The following AMBRA1 variants were observed in gnomAD, a reference collection of about 807,000 sequenced individuals.
AMBRA1 encodes activating molecule in BECN1-regulated autophagy protein 1.
A neutral mutation model predicts 125.4 loss-of-function variants in AMBRA1; 47 were observed. The observed-to-expected ratio is 0.37, with a 90% CI of 0.30 to 0.48. The LOEUF is 0.48. AMBRA1 is among the 20% of genes least tolerant of loss of function. AMBRA1 has a pLI of 0.99. For missense variants in AMBRA1, 1,331 were observed against 1,693.4 expected (o/e 0.79, Z 3.76); for synonymous variants, 626 against 655.5 (o/e 0.95, Z 0.69).
chr11:46,533,281 T>C (rs760683763), intron 7 of AMBRA1, among the ~76,000 whole-genome samples: 1 of 152,256 alleles, frequency 6.6e-6, no homozygotes, highest in Non-Finnish European at 1.5e-5. Flanking sequence ...CTCTGAGCAG[T>C]GGCTTTAAGA....
At chr11:46,427,576 G>A (rs1947207838) in intron 14 of AMBRA1, among the ~76,000 whole-genome samples, 1 of 152,186 alleles carries the variant, frequency 6.6e-6, no homozygotes, top group South Asian at 2.1e-4. Context: ...CGCCCCCAGA[G>A]TTTCTGACTC....
In AMBRA1 at chr11:46,542,880, G is replaced by A. The variant is rs777781431; in HGVS notation, c.1137C>T (p.Ala379=). The change falls in exon 7 of 18, where the codon GCC becomes GCT. Residue 379 remains alanine (A), a synonymous_variant. Coordinates refer to ENST00000683756, the MANE Select transcript of AMBRA1 (RefSeq NM_001387011.1). The surrounding 1 kb of genome is among the most constrained non-coding windows in gnomAD (Gnocchi z 5.9). ...SAFSTVQSST[A]GNTLRNLSLG... ...GACTGAGGTTGCGGAGCGTGTTGCCGGCAGTGCTGCTCTGGACTGTACTGA... is the reference window on the plus strand; with the variant it reads ...GACTGAGGTTGCGGAGCGTGTTGCCAGCAGTGCTGCTCTGGACTGTACTGA... 31 of 1,613,056 alleles carry A rather than the reference G, an allele frequency of 1.9e-5. No individual in the cohort carries two copies. The East Asian group carries it at 2.2e-4, about 12-fold the overall frequency.
intron 11 of AMBRA1, among the ~76,000 whole-genome samples, chr11:46,465,623 G>A (rs1219808269): frequency 6.6e-6 from 1 of 152,162 alleles, no homozygotes; most frequent in Non-Finnish European, 1.5e-5. Flanking sequence ...TGGTTAGAGA[G>A]TGCAAAGAGA....
At position 46,430,434 on chromosome 11, in the gene AMBRA1, C is replaced by A. The variant is rs1214225639; in HGVS notation, c.2976+3040G>T. 1.3e-5 allele frequency among the ~76,000 whole-genome samples: 2 copies of A among 152,076 alleles called. 1 individual carries two copies. Among genetic ancestry groups the A allele is most frequent in the African/African-American group, 4.8e-5 (2 of 41,384 alleles). ...TACTAATCCTGGGTCCCTCTGACTC[C>A]CATTCTTATTCTGATTTTAGGTCTG... is the stretch of plus-strand genomic sequence containing the variant. On this transcript the variant is annotated intron_variant, in intron 14 of 17. Transcript: ENST00000683756.
intron 7 of AMBRA1, among the ~76,000 whole-genome samples, chr11:46,534,973 C>T (rs767462067): frequency 2.0e-4 from 30 of 152,192 alleles, no homozygotes; most frequent in Non-Finnish European, 3.7e-4. Flanking sequence ...CACACCCAGC[C>T]CTCAGTACCC....
At chr11:46,414,328 C>CT (rs892568903) in intron 15 of AMBRA1, among the ~76,000 whole-genome samples, 6 of 152,182 alleles carry the variant, frequency 3.9e-5, no homozygotes, top group African/African-American at 1.2e-4. Flanking sequence ...TTTTGGCTCC[C>CT]TTTTGATTCG....
chr11:46,576,374 C>T (rs1221633496), intron 1 of AMBRA1, among the ~76,000 whole-genome samples: 3 of 152,102 alleles, frequency 2.0e-5, no homozygotes, highest in South Asian at 4.1e-4. Context: ...GAGATCCTCC[C>T]GCCTCAGACT....
intron 1 of AMBRA1, among the ~76,000 whole-genome samples, chr11:46,582,984 C>T (rs2135318584): frequency 6.6e-6 from 1 of 151,518 alleles, no homozygotes; most frequent in South Asian, 2.1e-4. Flanking sequence ...GGTATCCTCA[C>T]TGCCTACTGA....
intron 14 of AMBRA1, among the ~76,000 whole-genome samples, chr11:46,432,406 G>A (rs1306526770): frequency 6.6e-6 from 1 of 152,170 alleles, no homozygotes; most frequent in South Asian, 2.1e-4. Flanking sequence ...TTGAAAAGTG[G>A]CTCAGTGTAG....
intron 5 of AMBRA1, 132 bp downstream of exon 5, chr11:46,545,472 T>G: frequency 2.9e-6 from 3 of 1,027,012 alleles, no homozygotes; most frequent in East Asian, 2.7e-5. Context: ...AAAAAAAAAA[T>G]AGGAGGAGCT....
chr11:46,568,306 A>T (rs1019495688), intron 1 of AMBRA1, among the ~76,000 whole-genome samples: 1 of 151,928 alleles, frequency 6.6e-6, no homozygotes, highest in Non-Finnish European at 1.5e-5. Context: ...AAAAATACAA[A>T]AATTAGCCGG....
chr11:46,569,160 T>C (rs932327323), intron 1 of AMBRA1, among the ~76,000 whole-genome samples: 3 of 149,846 alleles, frequency 2.0e-5, no homozygotes, highest in African/African-American at 4.9e-5. Context: ...CAAACATGTA[T>C]GCATATAATA....
intron 1 of AMBRA1, among the ~76,000 whole-genome samples, chr11:46,577,484 T>C (rs1217764942): frequency 2.0e-5 from 3 of 152,126 alleles, no homozygotes; most frequent in African/African-American, 7.2e-5. Flanking sequence ...GACAAACTGC[T>C]TAACTGGTAA....
chr11:46,521,000 GT>G (rs973387026), intron 7 of AMBRA1, among the ~76,000 whole-genome samples: 3 of 152,146 alleles, frequency 2.0e-5, no homozygotes, highest in African/African-American at 7.2e-5. Flanking sequence ...CTGGATCCAA[GT>G]CATCTTTTTA....
intron 11 of AMBRA1, among the ~76,000 whole-genome samples, chr11:46,483,659 G>A (rs1161568121): frequency 2.0e-5 from 3 of 152,188 alleles, no homozygotes. Context: ...CAGCACTTTG[G>A]GAGACCAAGG....
intron 1 of AMBRA1, among the ~76,000 whole-genome samples, chr11:46,584,314 A>C (rs1252065845): frequency 7.0e-6 from 1 of 141,868 alleles, no homozygotes. Context: ...ATAGGTGGGA[A>C]TTGAGCAATG....
intron 17 of AMBRA1, among the ~76,000 whole-genome samples, chr11:46,399,518 C>T (rs1410449271): frequency 1.3e-5 from 2 of 152,144 alleles, no homozygotes; most frequent in Admixed American, 6.5e-5. Flanking sequence ...AGGCTCCCAC[C>T]ACACCTGGCT....
At chr11:46,473,595 A>C (rs1949691766) in intron 11 of AMBRA1, among the ~76,000 whole-genome samples, 2 of 152,260 alleles carry the variant, frequency 1.3e-5, no homozygotes, top group African/African-American at 4.8e-5. Context: ...TGGAGGTAGA[A>C]TAGCAATAAT....
At chr11:46,487,283 A>G (rs1950301157) in intron 11 of AMBRA1, among the ~76,000 whole-genome samples, 1 of 152,130 alleles carries the variant, frequency 6.6e-6, no homozygotes, top group Non-Finnish European at 1.5e-5. Flanking sequence ...AATAAAAGAG[A>G]TGAGAGGGGC....
Sources: gnomAD v4.1 joint callset for allele counts (sites outside exome capture counted in the v4.1 genomes callset) on GRCh38, gnomAD v4.1.1 for gene constraint, Gnocchi (gnomAD v3.1) non-coding constraint, MANE v1.5 for transcripts, NCBI Gene and HGNC (gene_info 2026-07-23, HGNC 2026-07-21) for gene names.